The following ERCC6 variants were observed in gnomAD, a reference collection of about 807,000 sequenced individuals.
ERCC6 encodes the protein ERCC excision repair 6, chromatin remodeling factor.
In ERCC6, 116 loss-of-function variants were observed where a neutral mutation model predicts 158.7. The ratio of observed to expected loss-of-function variants is 0.73; its 90% CI spans 0.63 to 0.85. ERCC6 has a LOEUF of 0.85. Ranked by LOEUF, ERCC6 falls within the 40% of genes least tolerant of loss-of-function variation. The probability of loss-of-function intolerance (pLI) is 0.00; values close to 1 mark genes in which losing one functional copy is unlikely to be tolerated. For synonymous variants in ERCC6, 678 were observed against 659.3 expected (o/e 1.03, Z -0.43); for missense variants, 1,698 against 1,799.4 (o/e 0.94, Z 1.02).
chr10:49,522,976 T>A (rs571152289), intron 5 of ERCC6, among the ~76,000 whole-genome samples: 11 of 152,302 alleles, frequency 7.2e-5, no homozygotes, highest in South Asian at 2.1e-4. Flanking sequence ...AATTGACACA[T>A]CTATTTCGGA....
At chr10:49,536,136 A>AGT (rs1472785206) in intron 1 of ERCC6, among the ~76,000 whole-genome samples, 4 of 152,166 alleles carry the variant, frequency 2.6e-5, no homozygotes, top group Non-Finnish European at 5.9e-5. Flanking sequence ...AAAAAGTTTC[A>AGT]GTGGAGCGAT....
chr10:49,465,532 G>A (rs1850659655), intron 18 of ERCC6, among the ~76,000 whole-genome samples: 1 of 152,114 alleles, frequency 6.6e-6, no homozygotes, highest in South Asian at 2.1e-4. Context: ...GGCCAGAGGT[G>A]GAAAGATATG....
chr10:49,530,919 AC>A, intron 2 of ERCC6, 79 bp from the exon 3 acceptor site: 5 of 1,572,284 alleles, frequency 3.2e-6, no homozygotes, highest in Non-Finnish European at 4.3e-6. Flanking sequence ...AATGCTAAAA[AC>A]ATGTCCCTTT....
chr10:49,482,658 C>T (rs775330498), intron 10 of ERCC6, 29 bp downstream of exon 10: 4 of 1,602,944 alleles, frequency 2.5e-6, no homozygotes, highest in South Asian at 2.2e-5. Context: ...TATTAAAATG[C>T]CAAAAGTATT....
chr10:49,530,938 T>A, intron 2 of ERCC6, 98 bp from the exon 3 acceptor site: 1 of 1,509,574 alleles, frequency 6.6e-7, no homozygotes. Context: ...TTTTACTTCT[T>A]ATTAACTAAA....
At chr10:49,505,420 A>G (rs1347197953) in intron 6 of ERCC6, 1 of 153,708 alleles carries the variant, frequency 6.5e-6, no homozygotes, top group Non-Finnish European at 1.4e-5. Context: ...CAGCTCAAAA[A>G]TATTATACCC....
chr10:49,519,714 A>G (rs1837097603), intron 5 of ERCC6, among the ~76,000 whole-genome samples: 1 of 152,192 alleles, frequency 6.6e-6, no homozygotes, highest in Non-Finnish European at 1.5e-5. Context: ...AAAGCATTAC[A>G]TTCTCAAGCC....
chr10:49,533,031 TC>T, intron 1 of ERCC6, 53 bp from the exon 2 acceptor site: 1 of 1,569,756 alleles, frequency 6.4e-7, no homozygotes, highest in Non-Finnish European at 8.7e-7. Context: ...TCATTGTAGT[TC>T]TTAAATATTT....
intron 18 of ERCC6, among the ~76,000 whole-genome samples, chr10:49,466,831 G>A (rs1168749564): frequency 6.6e-6 from 1 of 152,194 alleles, no homozygotes; most frequent in Non-Finnish European, 1.5e-5. Context: ...CTGTCGCACA[G>A]GCAGGAGTAC....
Position 49,530,768 on chromosome 10 carries a change from T to G in ERCC6, c.495A>C (p.Arg165Ser), listed in dbSNP as rs567548745. The change falls in exon 3 of 21, where the codon AGA (arginine) becomes AGC (serine). Residue 165 changes from arginine to serine, a missense_variant. Physicochemically the swap from Arg to Ser is moderately radical, Grantham distance 110. Coordinates refer to ENST00000355832, the MANE Select transcript of ERCC6 (RefSeq NM_000124.4). ...CAGAATCTAGTTTCCTGTTGATGTC[T>G]CTGCTGGTGGCAGCTTGAGGGCTAA... ...EQLSPQAATSRDINRKLDSVK... is the reference protein window; with the variant it reads ...EQLSPQAATSSDINRKLDSVK... The G allele has an allele frequency of 1.2e-6, 2 of 1,613,914 alleles. No individual in the cohort carries two copies. The highest frequency in any genetic ancestry group is 1.7e-6 in the Non-Finnish European group (2 of 1,179,918).
At chr10:49,517,045 C>A in intron 5 of ERCC6, 1 of 1,613,668 alleles carries the variant, frequency 6.2e-7, no homozygotes, top group Non-Finnish European at 8.5e-7. Flanking sequence ...ATCACTATAG[C>A]ACTTGCTTCT....
intron 1 of ERCC6, among the ~76,000 whole-genome samples, chr10:49,536,164 T>A (rs907162747): frequency 1.3e-5 from 2 of 152,026 alleles, no homozygotes; most frequent in African/African-American, 4.8e-5. Context: ...AAAACCAGAC[T>A]GTAGTGGTTG....
intron 5 of ERCC6, among the ~76,000 whole-genome samples, chr10:49,512,579 G>T (rs1836839304): frequency 1.3e-5 from 2 of 152,162 alleles, no homozygotes; most frequent in African/African-American, 4.8e-5. Flanking sequence ...AACAAAGTTT[G>T]TAACAGCTAA....
At chr10:49,513,294 T>C (rs1174298721) in intron 5 of ERCC6, among the ~76,000 whole-genome samples, 3 of 152,198 alleles carry the variant, frequency 2.0e-5, no homozygotes, top group African/African-American at 7.2e-5. Context: ...GAAAGTCAGC[T>C]AGCTCTGGAC....
intron 5 of ERCC6, among the ~76,000 whole-genome samples, chr10:49,510,350 C>A (rs1479949564): frequency 6.6e-6 from 1 of 152,176 alleles, no homozygotes; most frequent in African/African-American, 2.4e-5. Flanking sequence ...CCGTGCCATA[C>A]CATGTATGCA....
At position 49,461,514 on chromosome 10, in the gene ERCC6, C is replaced by A; in HGVS notation, c.3821G>T (p.Gly1274Val). The A allele has an allele frequency of 6.2e-7, 1 of 1,614,108 alleles. No homozygotes were observed. The highest frequency in any genetic ancestry group is 8.5e-7 in the Non-Finnish European group (1 of 1,180,004). The change falls in exon 19 of 21, where the codon GGA becomes GTA. Residue 1274 changes from glycine to valine, a missense_variant. Physicochemically the swap from Gly to Val is moderately radical, Grantham distance 109. Transcript: ENST00000355832. ...CACCAGTACATAATCTGGGCTGGCT[C>A]CATCCATGATGGCATCGTGCTTCAT... ...SVMKHDAIMD[G>V]ASPDYVLVEA...
At chr10:49,512,432 G>A (rs1418570562) in intron 5 of ERCC6, among the ~76,000 whole-genome samples, 1 of 152,190 alleles carries the variant, frequency 6.6e-6, no homozygotes, top group East Asian at 1.9e-4. Context: ...GCCCCCTAGT[G>A]TGTTCAAAGG....
At chr10:49,485,920 T>A (rs4253160) in intron 8 of ERCC6, among the ~76,000 whole-genome samples, 47,941 of 152,122 alleles carry the variant, frequency 0.32, 9,368 homozygotes, top group Non-Finnish European at 0.44. Flanking sequence ...AAACCTAGCC[T>A]TCTGTTTAAA....
the ERCC6 span, among the ~76,000 whole-genome samples, chr10:49,443,276 C>G: frequency 6.6e-6 from 1 of 152,024 alleles, no homozygotes; most frequent in Non-Finnish European, 1.5e-5. Flanking sequence ...AAATCAATGT[C>G]ATTAGATGAA....
Sources: gnomAD v4.1 joint callset for allele counts (sites outside exome capture counted in the v4.1 genomes callset) on GRCh38, gnomAD v4.1.1 for gene constraint, MANE v1.5 for transcripts, NCBI Gene and HGNC (gene_info 2026-07-23, HGNC 2026-07-21) for gene names.